The following NR3C2 variants were observed in gnomAD, a reference collection of about 807,000 sequenced individuals.
NR3C2 encodes the protein nuclear receptor subfamily 3 group C member 2, also known as mineralocorticoid receptor.
Under a neutral mutation model 86.4 loss-of-function variants are expected in NR3C2, and 15 were observed. The ratio of observed to expected loss-of-function variants is 0.17; its 90% CI spans 0.12 to 0.27. NR3C2 has a LOEUF of 0.27. Among genes scored for constraint, NR3C2 ranks in the 10% least tolerant of loss-of-function variants. The probability of loss-of-function intolerance (pLI) is 1.00; values close to 1 mark genes in which losing one functional copy is unlikely to be tolerated. For missense variants in NR3C2, 960 were observed against 1,195.6 expected, an observed-to-expected ratio of 0.80 and a Z score of 2.91; for synonymous variants, 458 against 450.5, an observed-to-expected ratio of 1.02 and a Z score of -0.21.
intron 2 of NR3C2, among the ~76,000 whole-genome samples, chr4:148,376,998 T>C (rs1746711794): frequency 6.6e-6 from 1 of 152,228 alleles, no homozygotes; most frequent in Non-Finnish European, 1.5e-5. Context: ...TTACATATTA[T>C]ATCTGGGGTA....
chr4:148,346,962 G>A (rs912256830), intron 2 of NR3C2, among the ~76,000 whole-genome samples: 1 of 152,082 alleles, frequency 6.6e-6, no homozygotes, highest in South Asian at 2.1e-4. Flanking sequence ...GGAGTGGTAT[G>A]ACGAGGAAGA....
chr4:148,340,884 G>A (rs1744716999), intron 2 of NR3C2, among the ~76,000 whole-genome samples: 1 of 152,100 alleles, frequency 6.6e-6, no homozygotes, highest in South Asian at 2.1e-4. Flanking sequence ...CATCATGTAT[G>A]TGCATCAGAG....
intron 2 of NR3C2, among the ~76,000 whole-genome samples, chr4:148,403,366 T>C (rs1560712836): frequency 6.6e-6 from 1 of 152,086 alleles, no homozygotes; most frequent in African/African-American, 2.4e-5. Flanking sequence ...AATATCTTTA[T>C]TACAGACTAA....
intron 2 of NR3C2, among the ~76,000 whole-genome samples, chr4:148,303,228 A>C (rs1742432229): frequency 6.6e-6 from 1 of 152,160 alleles, no homozygotes; most frequent in African/African-American, 2.4e-5. Context: ...GTTGTTTTTA[A>C]GTTTTTGCCT....
chr4:148,130,346 A>G (rs1291788718), intron 6 of NR3C2, among the ~76,000 whole-genome samples: 1 of 152,256 alleles, frequency 6.6e-6, no homozygotes, highest in Admixed American at 6.5e-5. Flanking sequence ...ATGGGAACCT[A>G]TGAAAAGTAC....
At chr4:148,367,271 A>T (rs988702761) in intron 2 of NR3C2, among the ~76,000 whole-genome samples, 1 of 152,202 alleles carries the variant, frequency 6.6e-6, no homozygotes, top group Non-Finnish European at 1.5e-5. Flanking sequence ...CAACGAATGC[A>T]ATTGCTTGAG....
At chr4:148,197,624 A>G (rs1256539752) in intron 3 of NR3C2, among the ~76,000 whole-genome samples, 1 of 152,124 alleles carries the variant, frequency 6.6e-6, no homozygotes, top group Non-Finnish European at 1.5e-5. Context: ...AAATGCCAGG[A>G]TTGTTCTAAA....
chr4:148,204,293 T>TA (rs1736890385), intron 3 of NR3C2, among the ~76,000 whole-genome samples: 1 of 152,196 alleles, frequency 6.6e-6, no homozygotes, highest in African/African-American at 2.4e-5. Flanking sequence ...AGGAGTGACT[T>TA]ACATTTCTCA....
At chr4:148,387,232 AG>A (rs1297168252) in intron 2 of NR3C2, among the ~76,000 whole-genome samples, 3 of 152,156 alleles carry the variant, frequency 2.0e-5, no homozygotes, top group Non-Finnish European at 2.9e-5. Flanking sequence ...AGGATCCTGG[AG>A]GTGCAGCAGC....
chr4:148,319,673 C>T (rs1443512785), intron 2 of NR3C2, among the ~76,000 whole-genome samples: 1 of 150,896 alleles, frequency 6.6e-6, no homozygotes, highest in African/African-American at 2.5e-5. Context: ...ATTTGGATCT[C>T]TGTTTGTCTG....
In NR3C2 at chr4:148,086,519, G is replaced by C. The variant is rs1303862269; in HGVS notation, c.2800-5020C>G. On this transcript the variant is annotated intron_variant, in intron 8 of 8. Coordinates refer to ENST00000358102, the MANE Select transcript of NR3C2 (RefSeq NM_000901.5). ...AGAGGCTGAGGTGGGCGGATCACTTGAGGTCAGGAGTTTGAGATCAGCCTG... is the reference window on the plus strand; with the variant it reads ...AGAGGCTGAGGTGGGCGGATCACTTCAGGTCAGGAGTTTGAGATCAGCCTG... Among the ~76,000 whole-genome samples the C allele has an allele frequency of 4.6e-5, 7 of 152,326 alleles. No individual in the cohort carries two copies. In the East Asian group the frequency reaches 1.2e-3, roughly 25 times the overall value.
chr4:148,435,271 T>G lies in NR3C2; in HGVS notation c.1590A>C (p.Gln530His). Residue 530 changes from glutamine (Q) to histidine (H), a missense_variant, in exon 2 of 9, where the codon CAA (glutamine) becomes CAC (histidine). Transcript: ENST00000358102. ...CCGATCGTGATAAAGATATTGTACC[T>G]TGAGCACCAATCCTGTAGTGGAAGG... ...GQSFHYRIGA[Q>H]GTISLSRSAR... 1 of 1,614,186 alleles carries G rather than the reference T, an allele frequency of 6.2e-7. No homozygotes were observed. The highest frequency in any genetic ancestry group is 1.1e-5 in the South Asian group (1 of 91,078).
chr4:148,389,010 T>C (rs1485862978), intron 2 of NR3C2, among the ~76,000 whole-genome samples: 4 of 152,242 alleles, frequency 2.6e-5, no homozygotes, highest in Non-Finnish European at 5.9e-5. Context: ...TACCTAATTG[T>C]GCTATGTATC....
intron 3 of NR3C2, among the ~76,000 whole-genome samples, chr4:148,259,232 T>A (rs970932944): frequency 2.6e-5 from 4 of 152,310 alleles, no homozygotes; most frequent in African/African-American, 9.6e-5. Context: ...AATCTTTTAC[T>A]AATAGCAAAA....
At chr4:148,166,944 A>G (rs1296444564) in intron 4 of NR3C2, among the ~76,000 whole-genome samples, 1 of 152,122 alleles carries the variant, frequency 6.6e-6, no homozygotes, top group Non-Finnish European at 1.5e-5. Flanking sequence ...TTAAATTGCT[A>G]TTAATTTTTA....
At chr4:148,377,402 A>G (rs1278304035) in intron 2 of NR3C2, among the ~76,000 whole-genome samples, 3 of 152,212 alleles carry the variant, frequency 2.0e-5, no homozygotes, top group African/African-American at 7.2e-5. Flanking sequence ...AGCTCTTCCC[A>G]AAAGTAGGGG....
intron 8 of NR3C2, among the ~76,000 whole-genome samples, chr4:148,090,431 T>C (rs1015987632): frequency 6.6e-6 from 1 of 152,166 alleles, no homozygotes; most frequent in Admixed American, 6.5e-5. Context: ...CAAAAAGTTA[T>C]ACAGCAGGGC....
At chr4:148,348,067 G>C (rs1745085912) in intron 2 of NR3C2, among the ~76,000 whole-genome samples, 1 of 152,082 alleles carries the variant, frequency 6.6e-6, no homozygotes. Flanking sequence ...TCCCACCCCA[G>C]GTGTTTCTGA....
At chr4:148,251,160 T>C (rs1191833013) in intron 3 of NR3C2, among the ~76,000 whole-genome samples, 1 of 152,106 alleles carries the variant, frequency 6.6e-6, no homozygotes, top group East Asian at 1.9e-4. Context: ...GGTTTTGCCA[T>C]GTTGCCCAGG....
Sources: gnomAD v4.1 joint callset for allele counts (sites outside exome capture counted in the v4.1 genomes callset) on GRCh38, gnomAD v4.1.1 for gene constraint, MANE v1.5 for transcripts, NCBI Gene and HGNC (gene_info 2026-07-23, HGNC 2026-07-21) for gene names.